SDK1: variants seen among roughly 807,000 people sequenced by gnomAD.
SDK1 encodes protein sidekick-1.
A neutral mutation model predicts 245.5 loss-of-function variants in SDK1; 157 were observed. That is an observed-to-expected ratio of 0.64 (90% CI 0.56 to 0.73). SDK1 has a LOEUF of 0.73. Among genes scored for constraint, SDK1 ranks in the 30% least tolerant of loss-of-function variants. The pLI is 0.00. For missense variants in SDK1, 3,583 were observed against 3,002.3 expected (o/e 1.19, Z -4.52); for synonymous variants, 1,647 against 1,278.5 (o/e 1.29, Z -6.15).
intron 5 of SDK1, among the ~76,000 whole-genome samples, chr7:3,830,643 A>G (rs985293094): frequency 1.6e-4 from 24 of 152,090 alleles, no homozygotes; most frequent in African/African-American, 5.3e-4. Context: ...CTGCAGGTGT[A>G]CACCACCACA....
chr7:3,321,783 T>C (rs1359297759), intron 1 of SDK1, among the ~76,000 whole-genome samples: 1 of 49,898 alleles, frequency 2.0e-5, no homozygotes, highest in Non-Finnish European at 3.6e-5. Context: ...TCCTTCTCCT[T>C]CCTTCCTTCC....
chr7:4,261,536 T>G (rs906297686), intron 44 of SDK1, among the ~76,000 whole-genome samples: 3 of 152,140 alleles, frequency 2.0e-5, no homozygotes, highest in African/African-American at 7.2e-5. Context: ...CCGTCTGTCT[T>G]AACACCCACA....
chr7:4,171,454 T>C (rs926766884), intron 32 of SDK1, among the ~76,000 whole-genome samples: 16 of 152,192 alleles, frequency 1.1e-4, no homozygotes, highest in African/African-American at 3.9e-4. Flanking sequence ...GATTCTGATT[T>C]AGCTGGGTGT....
At chr7:3,962,989 T>C (rs1272895603) in intron 9 of SDK1, 138 bp downstream of exon 9, 1 of 415,686 alleles carries the variant, frequency 2.4e-6, no homozygotes, top group African/African-American at 3.9e-5. Context: ...GTGAGTACAC[T>C]CAGCTCCATG....
intron 1 of SDK1, among the ~76,000 whole-genome samples, chr7:3,336,270 T>G (rs1431575061): frequency 3.3e-5 from 5 of 152,108 alleles, no homozygotes; most frequent in African/African-American, 7.2e-5. Flanking sequence ...AGCAGAGAGT[T>G]AATCTTTCAT....
At chr7:3,752,088 C>G (rs549231484) in intron 4 of SDK1, among the ~76,000 whole-genome samples, 19 of 152,290 alleles carry the variant, frequency 1.2e-4, no homozygotes, top group Non-Finnish European at 2.4e-4. Context: ...CCAATAAACA[C>G]TTTCTAAGTT....
At chr7:3,746,725 T>G (rs1454961552) in intron 4 of SDK1, among the ~76,000 whole-genome samples, 2 of 152,248 alleles carry the variant, frequency 1.3e-5, no homozygotes, top group East Asian at 1.9e-4. Context: ...GTCTTCAGAC[T>G]CCACTGCTAA....
chr7:3,440,717 A>C (rs1387543250), intron 1 of SDK1, among the ~76,000 whole-genome samples: 1 of 152,160 alleles, frequency 6.6e-6, no homozygotes, highest in Non-Finnish European at 1.5e-5. Flanking sequence ...GAGGTTGCTA[A>C]GATTAAGAAC....
chr7:3,676,439 C>A (rs1246289742), intron 4 of SDK1, among the ~76,000 whole-genome samples: 1 of 151,790 alleles, frequency 6.6e-6, no homozygotes. Flanking sequence ...CATTCTCCTG[C>A]CTCAGCTTCC....
intron 25 of SDK1, among the ~76,000 whole-genome samples, chr7:4,125,065 GTGGATGGATGGATGGATGGATGA>G (rs1371705040): frequency 1.3e-5 from 2 of 149,516 alleles, no homozygotes; most frequent in Non-Finnish European, 3.0e-5. Flanking sequence ...TGGGTAATGG[GTGGATGGATGGATGGATGGATGA>G]TGGATGGATG....
intron 28 of SDK1, among the ~76,000 whole-genome samples, chr7:4,143,852 G>A (rs1411813841): frequency 3.3e-5 from 5 of 152,302 alleles, no homozygotes; most frequent in Middle Eastern, 3.4e-3. Flanking sequence ...TCCTTGTCTT[G>A]TATGCTTCCT....
intron 18 of SDK1, among the ~76,000 whole-genome samples, chr7:4,051,191 G>T (rs1420446067): frequency 1.5e-5 from 2 of 135,600 alleles, no homozygotes; most frequent in East Asian, 2.1e-4. Flanking sequence ...CATTATATAT[G>T]TGTATATATT....
intron 22 of SDK1, among the ~76,000 whole-genome samples, chr7:4,089,391 A>G (rs1781644547): frequency 6.6e-6 from 1 of 152,226 alleles, no homozygotes; most frequent in African/African-American, 2.4e-5. Flanking sequence ...ACAGATCTGC[A>G]TCTCCGCTGA....
intron 1 of SDK1, among the ~76,000 whole-genome samples, chr7:3,339,032 GAA>G: frequency 1.3e-5 from 2 of 152,242 alleles, no homozygotes; most frequent in South Asian, 4.1e-4. Context: ...CAGTGGTTAA[GAA>G]AACATCCAAA....
chr7:3,980,055 T>G (rs181536732), intron 13 of SDK1, among the ~76,000 whole-genome samples: 1 of 152,190 alleles, frequency 6.6e-6, no homozygotes. Context: ...CCCAGAGTTA[T>G]CAAGCCCTGT....
intron 1 of SDK1, among the ~76,000 whole-genome samples, chr7:3,421,640 G>A (rs894671115): frequency 6.6e-6 from 1 of 152,142 alleles, no homozygotes; most frequent in Non-Finnish European, 1.5e-5. Context: ...TCTACATTGC[G>A]TGAGCGTCTA....
rs532722172 is a variant in SDK1, at chr7:4,261,307, C to A, written c.6382-3817C>A. ...AGCAGCTGGCAGGAACATCACTCAC[C>A]GCACCCAGGGACGCTTTTGTTTTCC... On this transcript the variant is annotated intron_variant, in intron 44 of 44. Coordinates refer to ENST00000404826, the MANE Select transcript of SDK1 (RefSeq NM_152744.4). Among the ~76,000 whole-genome samples the A allele has an allele frequency of 2.0e-5, 3 of 152,252 alleles. No homozygotes were observed. In the South Asian group the frequency reaches 6.2e-4, roughly 32 times the overall value.
chr7:3,900,405 C>G (rs1306822480), intron 5 of SDK1, among the ~76,000 whole-genome samples: 1 of 152,132 alleles, frequency 6.6e-6, no homozygotes, highest in Non-Finnish European at 1.5e-5. Flanking sequence ...TTTTTCATCC[C>G]CAGGTTGGTT....
intron 3 of SDK1, 88 bp from the exon 4 acceptor site, chr7:3,641,870 C>T: frequency 3.7e-6 from 4 of 1,093,492 alleles, no homozygotes; most frequent in Non-Finnish European, 2.7e-6. Context: ...AGTGACTTTA[C>T]TGTAACACTT....
Sources: allele counts gnomAD v4.1 joint callset (sites outside exome capture counted in the v4.1 genomes callset), GRCh38; gene constraint gnomAD v4.1.1; transcripts MANE v1.5; gene names NCBI Gene and HGNC (gene_info 2026-07-23, HGNC 2026-07-21).